The following G2E3 variants were observed in gnomAD, a reference collection of about 807,000 sequenced individuals.
The protein encoded by G2E3 is G2/M phase-specific E3 ubiquitin-protein ligase.
A neutral mutation model predicts 92.8 loss-of-function variants in G2E3; 35 were observed. The observed-to-expected ratio is 0.38, with a 90% CI of 0.29 to 0.50. The LOEUF is 0.50. G2E3 is among the 20% of genes least tolerant of loss of function. The pLI is 0.94. For missense variants in G2E3, 554 were observed against 823.8 expected (o/e 0.67, Z 4.01); for synonymous variants, 242 against 272.4 (o/e 0.89, Z 1.10).
intron 1 of G2E3, among the ~76,000 whole-genome samples, chr14:30,578,933 C>T (rs1006050594): frequency 2.0e-4 from 31 of 152,082 alleles, no homozygotes; most frequent in Non-Finnish European, 3.7e-4. Flanking sequence ...CGTTGAATTG[C>T]TTTGGTGTCT....
intron 1 of G2E3, among the ~76,000 whole-genome samples, chr14:30,563,911 G>C (rs1450014827): frequency 6.6e-6 from 1 of 152,180 alleles, no homozygotes; most frequent in East Asian, 1.9e-4. Flanking sequence ...TAGAGACAGG[G>C]TTTCGCCATG....
chr14:30,569,517 A>T (rs1439392938), intron 1 of G2E3, among the ~76,000 whole-genome samples: 1 of 152,196 alleles, frequency 6.6e-6, no homozygotes, highest in African/African-American at 2.4e-5. Flanking sequence ...TTGTCCTGTT[A>T]AAATATAATT....
rs535487402 is a variant in G2E3, at chr14:30,562,905, C to T, written c.-5+3633C>T. ...GGAAGGGCCCCCTGTCCAGTGGACACGTGACCCACGTGAACTTACCTATCA... is the reference window on the plus strand; with the variant it reads ...GGAAGGGCCCCCTGTCCAGTGGACATGTGACCCACGTGAACTTACCTATCA... On this transcript the variant is annotated intron_variant, in intron 1 of 14. Coordinates refer to ENST00000206595, the MANE Select transcript of G2E3 (RefSeq NM_017769.5). 9.8e-4 allele frequency among the ~76,000 whole-genome samples: 150 copies of T among 152,340 alleles called. 3 individuals are homozygous for T. The highest frequency in any genetic ancestry group is 7.8e-4 in the Non-Finnish European group (53 of 68,032).
chr14:30,591,110 T>G (rs917967547), intron 4 of G2E3: 1 of 171,650 alleles, frequency 5.8e-6, no homozygotes, highest in African/African-American at 2.4e-5. Flanking sequence ...AACATCCGAA[T>G]CCTCTCCAAG....
intron 1 of G2E3, among the ~76,000 whole-genome samples, chr14:30,570,739 T>G (rs928105643): frequency 3.4e-4 from 52 of 152,140 alleles, no homozygotes; most frequent in African/African-American, 1.3e-3. Flanking sequence ...CATTGTTGAT[T>G]GTGAGTTTTT....
chr14:30,579,752 C>T (rs1054471661), intron 1 of G2E3, among the ~76,000 whole-genome samples: 2 of 152,196 alleles, frequency 1.3e-5, no homozygotes, highest in African/African-American at 4.8e-5. Context: ...AACTCCTTGA[C>T]CTTGGACAGG....
chr14:30,559,504 G>A (rs1192488590), intron 1 of G2E3: 1 of 152,156 alleles, frequency 6.6e-6, no homozygotes, highest in Non-Finnish European at 1.5e-5. Flanking sequence ...CAGTGTTGAG[G>A]ATTCGGAGGC....
At chr14:30,574,635 CTT>C (rs2138796015) in intron 1 of G2E3, 1 of 152,198 alleles carries the variant, frequency 6.6e-6, no homozygotes, top group Non-Finnish European at 1.5e-5. Flanking sequence ...TTCATGAGTT[CTT>C]ATCATTTAGC....
In G2E3 at chr14:30,559,989, G is replaced by A. The variant is rs1158384536; in HGVS notation, c.-5+717G>A. On this transcript the variant is annotated intron_variant, in intron 1 of 14. Transcript: ENST00000206595. ...TTGCAAACAATAGGGATAAGGTTTA[G>A]TTCCACCGCCCTGCCTTTTCGCCTC... The A allele has an allele frequency of 2.7e-4, 41 of 152,168 alleles. 1 individual carries two copies. Among genetic ancestry groups the A allele is most frequent in the Admixed American group, 2.7e-3 (41 of 15,278 alleles). The allele number at this position is 152,168 out of a possible 1,614,324, so 9.4% of individuals were successfully genotyped here.
chr14:30,575,481 C>G (rs1880026088), intron 1 of G2E3, among the ~76,000 whole-genome samples: 1 of 152,172 alleles, frequency 6.6e-6, no homozygotes, highest in Non-Finnish European at 1.5e-5. Context: ...CGAGGATACT[C>G]TCTCACCACT....
chr14:30,589,262 T>G, intron 3 of G2E3, 121 bp from the exon 4 acceptor site: 1 of 609,466 alleles, frequency 1.6e-6, no homozygotes, highest in South Asian at 2.4e-5. Context: ...TATAGATAAC[T>G]ACTTGAAATT....
In G2E3 at chr14:30,605,557, T is replaced by C. The variant is rs1052931543; in HGVS notation, c.1063T>C (p.Phe355Leu). 16 of 1,490,290 alleles carry C rather than the reference T, an allele frequency of 1.1e-5. No homozygotes were observed. The highest frequency in any genetic ancestry group is 1.5e-5 in the Non-Finnish European group (16 of 1,084,244). 92.3% of individuals were successfully genotyped at this position (1,490,290 alleles called of 1,614,324 possible). A position where few individuals can be genotyped will look rare whatever the true frequency, so the allele number is the denominator to read the frequency against. ...ATCAACACTATTAATAGAGTTAGGATTCCAAATTAAAAAAAAAACTAAAAG... is the reference window on the plus strand; with the variant it reads ...ATCAACACTATTAATAGAGTTAGGACTCCAAATTAAAAAAAAAACTAAAAG... Reference protein sequence around the residue: ...NVSTLLIELGFQIKKKTKRLY... With the variant: ...NVSTLLIELGLQIKKKTKRLY... The change falls in exon 11 of 15, where the codon TTC becomes CTC. Residue 355 changes from phenylalanine to leucine, a missense_variant. Transcript: ENST00000206595.
intron 4 of G2E3, 79 bp downstream of exon 4, chr14:30,589,563 C>A: frequency 1.3e-6 from 1 of 741,578 alleles, no homozygotes; most frequent in Non-Finnish European, 2.3e-6. Flanking sequence ...AGTTTCTGTA[C>A]TAGAAATTTA....
chr14:30,601,758 T>C lies in G2E3; in HGVS notation c.753-12T>C, dbSNP rs1594501975. 1 of 1,613,820 alleles carries C rather than the reference T, an allele frequency of 6.2e-7. No individual in the cohort carries two copies. Among genetic ancestry groups the C allele is most frequent in the Middle Eastern group, 1.6e-4 (1 of 6,062 alleles). ...AACAAAATGTAAGTTCTGCTTTTCT[T>C]TGTGTCCTCAGCAAATGGGAAATAA... On this transcript the variant is annotated splice_polypyrimidine_tract_variant and intron_variant, in intron 8 of 14. Transcript: ENST00000206595.
chr14:30,563,693 TTTTGTGTGTG>T (rs1879255968), intron 1 of G2E3, among the ~76,000 whole-genome samples: 2 of 118,540 alleles, frequency 1.7e-5, no homozygotes, highest in Admixed American at 9.1e-5. Context: ...ACTTTGTTAC[TTTTGTGTGTG>T]TGTGTGTGTG....
At chr14:30,612,452 G>T in intron 13 of G2E3, 73 bp downstream of exon 13, 1 of 924,604 alleles carries the variant, frequency 1.1e-6, no homozygotes, top group Non-Finnish European at 1.6e-6. Context: ...TGTAATGTGA[G>T]ATATATTTGG....
intron 12 of G2E3, chr14:30,611,282 T>C (rs1380146972): frequency 6.6e-6 from 1 of 152,182 alleles, no homozygotes; most frequent in Admixed American, 6.5e-5. Flanking sequence ...TACCCAATTA[T>C]TACTCCGACA....
chr14:30,583,386 A>C (rs1880535281), intron 2 of G2E3, among the ~76,000 whole-genome samples: 1 of 152,168 alleles, frequency 6.6e-6, no homozygotes, highest in Admixed American at 6.5e-5. Flanking sequence ...TTTTATGATG[A>C]GGAAATGGAG....
chr14:30,578,464 C>T (rs1215690090), intron 1 of G2E3, among the ~76,000 whole-genome samples: 2 of 152,124 alleles, frequency 1.3e-5, no homozygotes, highest in Admixed American at 6.5e-5. Context: ...TATTGACCCA[C>T]GCCAGTGAGA....
Sources: allele counts gnomAD v4.1 joint callset (sites outside exome capture counted in the v4.1 genomes callset), GRCh38; gene constraint gnomAD v4.1.1; transcripts MANE v1.5; gene names NCBI Gene and HGNC (gene_info 2026-07-23, HGNC 2026-07-21).